KCNB2: variants seen among roughly 807,000 people sequenced by gnomAD.
KCNB2 encodes delayed rectifier potassium channel protein.
In KCNB2, 15 loss-of-function variants were observed where a neutral mutation model predicts 61.5. The observed-to-expected ratio is 0.24, with a 90% CI of 0.16 to 0.38. The LOEUF is 0.38. Ranked by LOEUF, KCNB2 falls within the 10% of genes least tolerant of loss-of-function variation. The pLI is 1.00. For missense variants in KCNB2, 828 were observed against 1,125.2 expected (o/e 0.74, Z 3.78); for synonymous variants, 457 against 446.0 (o/e 1.02, Z -0.31).
chr8:72,785,659 A>C (rs1469203735), intron 2 of KCNB2, among the ~76,000 whole-genome samples: 2 of 152,140 alleles, frequency 1.3e-5, no homozygotes, highest in Non-Finnish European at 2.9e-5. Context: ...TACTATGAAT[A>C]ATAAGTCATT....
At chr8:72,932,636 C>G (rs928442598) in intron 2 of KCNB2, among the ~76,000 whole-genome samples, 3 of 152,128 alleles carry the variant, frequency 2.0e-5, no homozygotes, top group African/African-American at 7.2e-5. Context: ...GCAGTCCAAC[C>G]TTTATATAAG....
chr8:72,582,732 C>T (rs1806924614), intron 2 of KCNB2, among the ~76,000 whole-genome samples: 1 of 152,138 alleles, frequency 6.6e-6, no homozygotes, highest in Admixed American at 6.5e-5. Flanking sequence ...CCTGCCTCAG[C>T]CTCCTGAGTA....
intron 2 of KCNB2, among the ~76,000 whole-genome samples, chr8:72,599,043 A>G (rs1422977931): frequency 6.6e-6 from 1 of 152,214 alleles, no homozygotes; most frequent in Non-Finnish European, 1.5e-5. Context: ...TATAGATTCA[A>G]TGCCGTCCCC....
At chr8:72,715,795 A>G in intron 2 of KCNB2, among the ~76,000 whole-genome samples, 1 of 151,096 alleles carries the variant, frequency 6.6e-6, no homozygotes, top group Non-Finnish European at 1.5e-5. Context: ...AGCAGAAGGC[A>G]AGAAATAACT....
chr8:72,759,689 GGAGATAGAGATA>G (rs201850092), intron 2 of KCNB2, among the ~76,000 whole-genome samples: 1 of 152,142 alleles, frequency 6.6e-6, no homozygotes, highest in Non-Finnish European at 1.5e-5. Flanking sequence ...CTAGGGCCTT[GGAGATAGAGATA>G]GAGATAGAGA....
chr8:72,654,071 C>T (rs1585809245), intron 2 of KCNB2, among the ~76,000 whole-genome samples: 1 of 152,144 alleles, frequency 6.6e-6, no homozygotes, highest in Non-Finnish European at 1.5e-5. Flanking sequence ...GTTTAATTTT[C>T]ATAATGATCC....
intron 2 of KCNB2, among the ~76,000 whole-genome samples, chr8:72,714,412 A>G (rs1172787578): frequency 6.6e-6 from 1 of 152,240 alleles, no homozygotes; most frequent in Non-Finnish European, 1.5e-5. Flanking sequence ...GACAGAGAGA[A>G]AGGTCAGGTT....
intron 2 of KCNB2, among the ~76,000 whole-genome samples, chr8:72,864,870 A>G (rs1273887542): frequency 1.3e-5 from 2 of 152,184 alleles, no homozygotes; most frequent in East Asian, 3.9e-4. Context: ...ATCTCTCAGA[A>G]GGGATTCTGT....
intron 1 of KCNB2, among the ~76,000 whole-genome samples, chr8:72,552,016 G>T (rs929829362): frequency 1.3e-5 from 2 of 152,102 alleles, no homozygotes; most frequent in Non-Finnish European, 2.9e-5. Flanking sequence ...GAGCAAGTCT[G>T]CCTGATGATG....
intron 2 of KCNB2, among the ~76,000 whole-genome samples, chr8:72,913,750 A>T: frequency 6.6e-6 from 1 of 152,236 alleles, no homozygotes; most frequent in East Asian, 1.9e-4. Context: ...ACCTGGTCTT[A>T]TCAGATCAGA....
chr8:72,866,243 G>A (rs2129004405), intron 2 of KCNB2, among the ~76,000 whole-genome samples: 1 of 152,284 alleles, frequency 6.6e-6, no homozygotes, highest in South Asian at 2.1e-4. Context: ...ATGTGTGTGT[G>A]ACTTGACAAG....
intron 2 of KCNB2, among the ~76,000 whole-genome samples, chr8:72,725,591 G>GTGTATATATATATA (rs368891799): frequency 6.5e-4 from 34 of 51,946 alleles, no homozygotes; most frequent in African/African-American, 2.2e-3. Flanking sequence ...ATATATGTAT[G>GTGTATATATATATA]TATATATATA....
intron 2 of KCNB2, among the ~76,000 whole-genome samples, chr8:72,670,792 C>T (rs571335493): frequency 3.0e-4 from 46 of 152,304 alleles, no homozygotes; most frequent in African/African-American, 1.1e-3. Flanking sequence ...CACCCCTTGG[C>T]CCTAACCACG....
At chr8:72,655,736 A>G (rs1806280671) in intron 2 of KCNB2, among the ~76,000 whole-genome samples, 1 of 152,174 alleles carries the variant, frequency 6.6e-6, no homozygotes, top group Non-Finnish European at 1.5e-5. Flanking sequence ...TGTTCATAAT[A>G]ATGATTAAGA....
At chr8:72,932,218 A>G (rs1465657994) in intron 2 of KCNB2, among the ~76,000 whole-genome samples, 1 of 152,180 alleles carries the variant, frequency 6.6e-6, no homozygotes, top group Non-Finnish European at 1.5e-5. Flanking sequence ...CCTGGAAATT[A>G]TCCCCAGAGC....
intron 2 of KCNB2, among the ~76,000 whole-genome samples, chr8:72,814,120 ATCTAGTT>A (rs1309592896): frequency 3.3e-5 from 5 of 151,852 alleles, no homozygotes; most frequent in Admixed American, 6.6e-5. Context: ...CTTTTTTTGT[ATCTAGTT>A]TCTTTTGTTT....
chr8:72,836,914 T>TAACA (rs1278260300), intron 2 of KCNB2, among the ~76,000 whole-genome samples: 4 of 152,200 alleles, frequency 2.6e-5, no homozygotes, highest in East Asian at 1.9e-4. Flanking sequence ...TGTCTCAAAA[T>TAACA]AACAAACAAA....
intron 2 of KCNB2, among the ~76,000 whole-genome samples, chr8:72,686,202 C>T (rs1282993781): frequency 2.0e-5 from 3 of 151,972 alleles, no homozygotes; most frequent in African/African-American, 7.3e-5. Context: ...AGACTTTGAC[C>T]TTTTTACACA....
intron 2 of KCNB2, among the ~76,000 whole-genome samples, chr8:72,863,623 G>A (rs1805454353): frequency 6.6e-6 from 1 of 152,214 alleles, no homozygotes; most frequent in East Asian, 1.9e-4. Flanking sequence ...ACATACACAG[G>A]ACATTCCTTT....
Sources: allele counts gnomAD v4.1 joint callset (sites outside exome capture counted in the v4.1 genomes callset), GRCh38; gene constraint gnomAD v4.1.1; transcripts MANE v1.5; gene names NCBI Gene and HGNC (gene_info 2026-07-23, HGNC 2026-07-21).